R3HDM4: variants seen among roughly 807,000 people sequenced by gnomAD.
R3HDM4 encodes R3H domain-containing protein 4.
In R3HDM4, 30 loss-of-function variants were observed where a neutral mutation model predicts 31.3. The observed-to-expected ratio is 0.96, with a 90% CI of 0.72 to 1.30. R3HDM4 has a LOEUF of 1.30. R3HDM4 is among the 50% of genes most tolerant of loss of function. The pLI is 0.00. For missense variants in R3HDM4, 444 were observed against 366.1 expected, an observed-to-expected ratio of 1.21 and a Z score of -1.74; for synonymous variants, 196 against 156.6, an observed-to-expected ratio of 1.25 and a Z score of -1.88.
chr19:904,420 C>T (rs2036877931), intron 1 of R3HDM4, among the ~76,000 whole-genome samples: 1 of 152,142 alleles, frequency 6.6e-6, no homozygotes, highest in East Asian at 1.9e-4. Flanking sequence ...AGCCCACAGT[C>T]GAAAATCCCT....
intron 1 of R3HDM4, among the ~76,000 whole-genome samples, chr19:908,910 C>T (rs1248339857): frequency 6.6e-6 from 1 of 152,250 alleles, no homozygotes; most frequent in Non-Finnish European, 1.5e-5. Context: ...CCGCCGCCCC[C>T]CGGTCCTGGC....
Position 904,162 on chromosome 19 carries a change from C to T in R3HDM4, c.72-2032G>A, listed in dbSNP as rs796204777. ...TCTGGGGGTACCAGGATCGGCTCCACCCTTATCTCCTAACTCCACCCCACC... is the reference window on the plus strand; with the variant it reads ...TCTGGGGGTACCAGGATCGGCTCCATCCTTATCTCCTAACTCCACCCCACC... On this transcript the variant is annotated intron_variant, in intron 1 of 7. Coordinates refer to ENST00000361574, the MANE Select transcript of R3HDM4 (RefSeq NM_138774.4). 9.5e-4 allele frequency among the ~76,000 whole-genome samples: 144 copies of T among 152,310 alleles called. 1 individual carries two copies. Among genetic ancestry groups the T allele is most frequent in the African/African-American group, 3.3e-3 (137 of 41,568 alleles).
At chr19:898,823 G>T (rs1383743302) in intron 7 of R3HDM4, among the ~76,000 whole-genome samples, 1 of 152,124 alleles carries the variant, frequency 6.6e-6, no homozygotes, top group Non-Finnish European at 1.5e-5. Context: ...CATGGGGGCT[G>T]CGTCTCCCAC....
At position 899,444 on chromosome 19, in the gene R3HDM4, C is replaced by T. The variant is rs2965284; in HGVS notation, c.699G>A (p.Ser233=). 276,065 of 1,613,294 alleles carry T rather than the reference C, an allele frequency of 0.17. 26,057 individuals carry two copies. The highest frequency in any genetic ancestry group is 0.21 in the Middle Eastern group (1,288 of 6,056). Residue 233 remains serine (S), a synonymous_variant, in exon 7 of 8, where the codon TCG becomes TCA. Transcript: ENST00000361574. This position sits in a 1 kb window ranked among gnomAD's most constrained non-coding sequence, Gnocchi z 6.8. ...TTGGGGGCCACCGGCACTTACTGGC[C>T]GAGATGAGGTCCATGTACTGGCAGA... ...HAVCQYMDLI[S]ASADLEGKRQ... is the part of the protein sequence containing the mutation.
In R3HDM4 at chr19:900,124, G is replaced by C. The variant is rs200112514; in HGVS notation, c.498C>G (p.Arg166=). 6.2e-7 allele frequency: 1 copy of C among 1,600,730 alleles called. No homozygotes were observed. Among genetic ancestry groups the C allele is most frequent in the African/African-American group, 1.3e-5 (1 of 74,488 alleles). Residue 166 remains arginine (R), a synonymous_variant, in exon 5 of 8, where the codon CGC becomes CGG. Transcript: ENST00000361574. ...RRREDPAYTP[R]ECFQRISRRL... ...GCCGGCTGATGCGCTGGAAGCACTC[G>C]CGGGGTGTATAGGCGGGGTCCTCTG... is the stretch of plus-strand genomic sequence containing the variant.
At chr19:905,740 G>T (rs961393052) in intron 1 of R3HDM4, among the ~76,000 whole-genome samples, 5 of 151,182 alleles carry the variant, frequency 3.3e-5, no homozygotes, top group Non-Finnish European at 7.4e-5. Context: ...GCCTGAAGCA[G>T]GAAGGGGACG....
intron 1 of R3HDM4, among the ~76,000 whole-genome samples, chr19:905,932 G>A (rs917471307): frequency 3.9e-5 from 6 of 152,290 alleles, no homozygotes; most frequent in South Asian, 2.1e-4. Flanking sequence ...TGGCAACTCC[G>A]AAACTGCCTC....
At chr19:911,880 A>G (rs2036975084) in intron 1 of R3HDM4, among the ~76,000 whole-genome samples, 1 of 151,872 alleles carries the variant, frequency 6.6e-6, no homozygotes, top group Non-Finnish European at 1.5e-5. Context: ...GAGAGCAAGG[A>G]GCCGGGTCTG....
chr19:898,596 C>CA (rs1314163307), intron 7 of R3HDM4, among the ~76,000 whole-genome samples: 1 of 150,166 alleles, frequency 6.7e-6, no homozygotes, highest in African/African-American at 2.4e-5. Flanking sequence ...GAGACTGTCT[C>CA]AAAAAAACCA....
At chr19:903,305 C>A (rs1278666699) in intron 1 of R3HDM4, among the ~76,000 whole-genome samples, 2 of 151,984 alleles carry the variant, frequency 1.3e-5, no homozygotes, top group African/African-American at 4.8e-5. Context: ...CGGCCCCCCT[C>A]CAGAGCTAAT....
At chr19:912,747 C>CGCGGACCGGGGATTAGGGG (rs1216441188) in intron 1 of R3HDM4, among the ~76,000 whole-genome samples, 1 of 58,324 alleles carries the variant, frequency 1.7e-5, no homozygotes, top group Non-Finnish European at 3.4e-5. Context: ...GGGAGTGGGG[C>CGCGGACCGGGGATTAGGGG]GCGGACCGGG....
Position 900,947 on chromosome 19 carries a change from C to G in R3HDM4, c.357G>C (p.Trp119Cys), listed in dbSNP as rs1336724002. 1 of 1,597,396 alleles carries G rather than the reference C, an allele frequency of 6.3e-7. No individual in the cohort carries two copies. Among genetic ancestry groups the G allele is most frequent in the African/African-American group, 1.4e-5 (1 of 73,934 alleles). The change falls in exon 4 of 8, where the codon TGG becomes TGC. Residue 119 changes from tryptophan to cysteine, a missense_variant. Physicochemically the swap from Trp to Cys is radical, Grantham distance 215 (BLOSUM62 -2). Transcript: ENST00000361574. ...ACNNATYVEV[W>C]NDFMNRSGEE... ...CCCCGGAGCGGTTCATGAAATCGTTCCAGACCTGGAAGAGAGGCAGGGAGG... is the reference window on the plus strand; with the variant it reads ...CCCCGGAGCGGTTCATGAAATCGTTGCAGACCTGGAAGAGAGGCAGGGAGG...
At position 902,019 on chromosome 19, in the gene R3HDM4, C is replaced by G; in HGVS notation, c.183G>C (p.Val61=). 1 of 1,613,914 alleles carries G rather than the reference C, an allele frequency of 6.2e-7. No individual in the cohort carries two copies. Among genetic ancestry groups the G allele is most frequent in the Non-Finnish European group, 8.5e-7 (1 of 1,180,008 alleles). ...INQAVRNSDL[V]PKAKGRKSLQ... ...GGCTCTTCCGCCCCTTGGCCTTGGG[C>G]ACGAGGTCTGAGTTCCGCACTGCCT... The change falls in exon 2 of 8, where the codon GTG becomes GTC. Residue 61 remains valine, a synonymous_variant. Transcript: ENST00000361574.
intron 1 of R3HDM4, among the ~76,000 whole-genome samples, chr19:911,964 G>A (rs1311877761): frequency 6.6e-6 from 1 of 151,180 alleles, no homozygotes; most frequent in Non-Finnish European, 1.5e-5. Context: ...CCAGGCTGGA[G>A]CGCATGGCCA....
rs2036800468 is a variant in R3HDM4, at chr19:899,731, G to GT, written c.562-46dup. 1.0e-5 allele frequency: 15 copies of GT among 1,467,270 alleles called. No homozygotes were observed. Among genetic ancestry groups the GT allele is most frequent in the Non-Finnish European group, 1.4e-5 (15 of 1,097,318 alleles). 90.9% of individuals were successfully genotyped at this position (1,467,270 alleles called of 1,614,324 possible). A position where few individuals can be genotyped will look rare whatever the true frequency, so the allele number is the denominator to read the frequency against. Reference sequence around the variant, plus strand: ...GGTCAGGGAACTGCGGGACCTGTGGGTGGGGGGCCAGGGAGGTCCAGGGCC... The same window carrying GT: ...GGTCAGGGAACTGCGGGACCTGTGGGTTGGGGGGCCAGGGAGGTCCAGGGCC... On this transcript the variant is annotated intron_variant, in intron 5 of 7. Coordinates refer to ENST00000361574, the MANE Select transcript of R3HDM4 (RefSeq NM_138774.4). This position sits in a 1 kb window ranked among gnomAD's most constrained non-coding sequence, Gnocchi z 6.8.
chr19:898,691 C>A (rs536572111), intron 7 of R3HDM4, among the ~76,000 whole-genome samples: 1 of 152,124 alleles, frequency 6.6e-6, no homozygotes, highest in Non-Finnish European at 1.5e-5. Context: ...GGGACCCCCC[C>A]GTCCTCTACT....
At position 899,565 on chromosome 19, in the gene R3HDM4, C is replaced by T. The variant is rs779571589; in HGVS notation, c.647+36G>A. The T allele has an allele frequency of 1.1e-5, 18 of 1,612,440 alleles. No homozygotes were observed. The East Asian group carries it at 3.3e-4, about 30-fold the overall frequency. On this transcript the variant is annotated intron_variant, in intron 6 of 7. Coordinates refer to ENST00000361574, the MANE Select transcript of R3HDM4 (RefSeq NM_138774.4). This position sits in a 1 kb window ranked among gnomAD's most constrained non-coding sequence, Gnocchi z 6.8. ...GGGTGTCCGCCCACCTGGCCGCAGCCTCGGAGGGTCCGCTCGCCTGGCCGC... is the reference window on the plus strand; with the variant it reads ...GGGTGTCCGCCCACCTGGCCGCAGCTTCGGAGGGTCCGCTCGCCTGGCCGC...
At position 907,353 on chromosome 19, in the gene R3HDM4, C is replaced by T. The variant is rs1461097715; in HGVS notation, c.72-5223G>A. 6.7e-6 allele frequency among the ~76,000 whole-genome samples: 1 copy of T among 148,396 alleles called. No homozygotes were observed. Among genetic ancestry groups the T allele is most frequent in the Non-Finnish European group, 1.5e-5 (1 of 65,720 alleles). Reference sequence around the variant, plus strand: ...TCCCATGCCCCAGATTCACCCACAGCCCCCCCTGAGGCCCCGGGGCCTACT... The same window carrying T: ...TCCCATGCCCCAGATTCACCCACAGTCCCCCCTGAGGCCCCGGGGCCTACT... On this transcript the variant is annotated intron_variant, in intron 1 of 7. Transcript: ENST00000361574. This position sits in a 1 kb window ranked among gnomAD's most constrained non-coding sequence, Gnocchi z 4.1.
chr19:900,207 C>G, intron 4 of R3HDM4, 61 bp from the exon 5 acceptor site: 1 of 1,350,638 alleles, frequency 7.4e-7, no homozygotes, highest in Non-Finnish European at 1.0e-6. Context: ...TGCCCACCTG[C>G]CAGACCACGC....
Sources: allele counts gnomAD v4.1 joint callset (sites outside exome capture counted in the v4.1 genomes callset), GRCh38; gene constraint gnomAD v4.1.1; non-coding constraint Gnocchi (gnomAD v3.1); transcripts MANE v1.5; gene names NCBI Gene and HGNC (gene_info 2026-07-23, HGNC 2026-07-21).